Variants in ADGRL2 observed in about 807,000 individuals in gnomAD.
The protein encoded by ADGRL2 is calcium-independent alpha-latrotoxin receptor 2.
ADGRL2 carries 44 observed loss-of-function variants against 157.4 expected under a neutral mutation model. The ratio of observed to expected loss-of-function variants is 0.28; its 90% CI spans 0.22 to 0.36. The LOEUF (loss-of-function observed/expected upper bound fraction) is 0.36. ADGRL2 is among the 10% of genes least tolerant of loss of function. ADGRL2 has a pLI of 1.00. For missense variants in ADGRL2, 1,510 were observed against 1,768.9 expected, an observed-to-expected ratio of 0.85 and a Z score of 2.63; for synonymous variants, 585 against 624.7, an observed-to-expected ratio of 0.94 and a Z score of 0.95.
intron 3 of ADGRL2, among the ~76,000 whole-genome samples, chr1:81,655,972 A>G (rs2082525716): frequency 6.6e-6 from 1 of 152,178 alleles, no homozygotes; most frequent in African/African-American, 2.4e-5. Context: ...GCATTTGGGA[A>G]AGGCTGAATG....
At chr1:81,756,695 C>T (rs2085702255) in intron 1 of ADGRL2, among the ~76,000 whole-genome samples, 1 of 152,104 alleles carries the variant, frequency 6.6e-6, no homozygotes, top group African/African-American at 2.4e-5. Flanking sequence ...TGTTAATTTT[C>T]CCTCCTATAG....
intron 2 of ADGRL2, among the ~76,000 whole-genome samples, chr1:81,864,734 G>A (rs1213554570): frequency 6.6e-6 from 1 of 152,124 alleles, no homozygotes. Context: ...GGCTGAGGTG[G>A]GCGGATAACC....
At chr1:81,786,433 C>A (rs2087049901) in intron 2 of ADGRL2, among the ~76,000 whole-genome samples, 1 of 152,046 alleles carries the variant, frequency 6.6e-6, no homozygotes, top group Non-Finnish European at 1.5e-5. Context: ...CAAAAAATAG[C>A]TGAGTTGTGG....
intron 3 of ADGRL2, among the ~76,000 whole-genome samples, chr1:81,681,333 C>A (rs1341577190): frequency 1.3e-5 from 2 of 152,214 alleles, no homozygotes; most frequent in Non-Finnish European, 2.9e-5. Context: ...TGAACTGGAA[C>A]TGTTTGGGAC....
chr1:81,931,931 C>T (rs578179330), intron 3 of ADGRL2, among the ~76,000 whole-genome samples: 2 of 152,248 alleles, frequency 1.3e-5, no homozygotes, highest in Admixed American at 1.3e-4. Flanking sequence ...TGAGCAATAG[C>T]GCCTGACCCC....
At position 81,465,980 on chromosome 1, in the gene ADGRL2, C is replaced by T. The variant is rs1346989767; in HGVS notation, c.-248+20891C>T. Among the ~76,000 whole-genome samples, 5 of 152,024 alleles carry T rather than the reference C, an allele frequency of 3.3e-5. 1 individual carries two copies. Among genetic ancestry groups the T allele is most frequent in the South Asian group, 4.1e-4 (2 of 4,824 alleles). ...TTATTTCAAAAAAGTGAGGAAAGAC[C>T]AAGTAACCAATATTTACAATATAAT... On this transcript the variant is annotated intron_variant, in intron 2 of 24. Coordinates refer to the ADGRL2 transcript ENST00000370721.
At chr1:81,945,928 C>A (rs1353408950) in intron 6 of ADGRL2, among the ~76,000 whole-genome samples, 3 of 152,046 alleles carry the variant, frequency 2.0e-5, no homozygotes, top group Non-Finnish European at 4.4e-5. Context: ...TCCCTTCTCT[C>A]TGATCCAAGA....
intron 1 of ADGRL2, among the ~76,000 whole-genome samples, chr1:81,354,620 C>A (rs773280374): frequency 1.3e-5 from 2 of 152,180 alleles, no homozygotes; most frequent in Non-Finnish European, 2.9e-5. Context: ...CCTACCCTGA[C>A]AACCCCATCC....
chr1:81,404,078 G>A (rs1204916113), intron 1 of ADGRL2, among the ~76,000 whole-genome samples: 1 of 152,168 alleles, frequency 6.6e-6, no homozygotes, highest in Non-Finnish European at 1.5e-5. Flanking sequence ...TTACAGGCGT[G>A]AGCCACCTCA....
upstream of ADGRL2, among the ~76,000 whole-genome samples, chr1:81,799,916 T>G (rs555236621): frequency 1.3e-5 from 2 of 152,296 alleles, no homozygotes; most frequent in South Asian, 4.1e-4. Context: ...TTGAATTTTG[T>G]GGCATGCACA....
chr1:81,603,066 C>G (rs999051921), intron 3 of ADGRL2, among the ~76,000 whole-genome samples: 4 of 152,088 alleles, frequency 2.6e-5, no homozygotes, highest in South Asian at 2.1e-4. Flanking sequence ...CTAGATCACT[C>G]TCTCTTTTCT....
intron 2 of ADGRL2, among the ~76,000 whole-genome samples, chr1:81,521,046 C>T (rs1350006901): frequency 6.6e-6 from 1 of 152,174 alleles, no homozygotes; most frequent in East Asian, 1.9e-4. Context: ...ATTCACATCA[C>T]ATTGGATAGA....
chr1:81,368,293 T>G (rs1035880419), intron 1 of ADGRL2, among the ~76,000 whole-genome samples: 3 of 152,220 alleles, frequency 2.0e-5, no homozygotes, highest in Admixed American at 6.5e-5. Context: ...TGTTGATCTT[T>G]TTATCATATG....
chr1:81,380,976 T>A (rs542114764), intron 1 of ADGRL2, among the ~76,000 whole-genome samples: 7 of 152,256 alleles, frequency 4.6e-5, no homozygotes, highest in African/African-American at 1.7e-4. Flanking sequence ...CATTTACAAT[T>A]ATGTTTTGTT....
Position 81,993,294 on chromosome 1 carries a change from A to G in ADGRL2, c.*2149A>G, listed in dbSNP as rs1282180870. Among the ~76,000 whole-genome samples, 1 of 151,182 alleles carries G rather than the reference A, an allele frequency of 6.6e-6. No homozygotes were observed. The highest frequency in any genetic ancestry group is 1.5e-5 in the Non-Finnish European group (1 of 67,880). The stretch of plus-strand genomic sequence containing the variant: ...AAACTACTTGCTAAAGGAGGGCATT[A>G]GATAATCAAGTATTTTTAATTTTCC... On this transcript the variant is annotated 3_prime_UTR_variant, in exon 24 of 24. Coordinates refer to ENST00000686636, the MANE Select transcript of ADGRL2 (RefSeq NM_001366006.2).
intron 3 of ADGRL2, among the ~76,000 whole-genome samples, chr1:81,920,775 C>A (rs1017701116): frequency 1.3e-5 from 2 of 151,732 alleles, no homozygotes; most frequent in African/African-American, 2.4e-5. Flanking sequence ...TGCCTCAAAT[C>A]TGTGCTTCCC....
chr1:81,498,595 T>C (rs1484121603), intron 2 of ADGRL2, among the ~76,000 whole-genome samples: 3 of 152,132 alleles, frequency 2.0e-5, no homozygotes, highest in Non-Finnish European at 2.9e-5. Context: ...TTAACTGTAT[T>C]TATGAGAAGA....
intron 2 of ADGRL2, among the ~76,000 whole-genome samples, chr1:81,765,746 A>G (rs2086095672): frequency 6.6e-6 from 1 of 152,076 alleles, no homozygotes; most frequent in Admixed American, 6.5e-5. Context: ...AACAACAGTA[A>G]AACATACTTT....
chr1:81,362,272 T>C (rs4477328), intron 1 of ADGRL2, among the ~76,000 whole-genome samples: 136,317 of 151,782 alleles, frequency 0.9, 61,616 homozygotes, highest in East Asian at 0.99. Context: ...GTCCTCTCTC[T>C]CTATGAAGTG....
Sources: gnomAD v4.1 joint callset for allele counts (sites outside exome capture counted in the v4.1 genomes callset) on GRCh38, gnomAD v4.1.1 for gene constraint, MANE v1.5 for transcripts, NCBI Gene and HGNC (gene_info 2026-07-23, HGNC 2026-07-21) for gene names.